The following MRPL21 variants were observed in gnomAD, a reference collection of about 807,000 sequenced individuals.
MRPL21 encodes the protein mitochondrial ribosomal protein L21.
In MRPL21, 20 loss-of-function variants were observed where a neutral mutation model predicts 27.3. The ratio of observed to expected loss-of-function variants is 0.73; its 90% CI spans 0.52 to 1.06. MRPL21 has a LOEUF of 1.06. MRPL21 is among the 50% of genes least tolerant of loss of function. The probability of loss-of-function intolerance (pLI) is 0.00; values close to 1 mark genes in which losing one functional copy is unlikely to be tolerated. For synonymous variants in MRPL21, 98 were observed against 101.5 expected (o/e 0.97, Z 0.21); for missense variants, 249 against 251.4 (o/e 0.99, Z 0.06).
Position 68,895,619 on chromosome 11 carries a change from C to T in MRPL21, c.396+896G>A, listed in dbSNP as rs529535327. On this transcript the variant is annotated intron_variant, in intron 4 of 6. Transcript: ENST00000362034. ...GAGCCAAGACTGCGCCATTGCACTCCAGCCTGGGTGACAGAGCGAGACTGA... is the reference window on the plus strand; with the variant it reads ...GAGCCAAGACTGCGCCATTGCACTCTAGCCTGGGTGACAGAGCGAGACTGA... 2.6e-5 allele frequency among the ~76,000 whole-genome samples: 4 copies of T among 152,326 alleles called. No individual in the cohort carries two copies. The East Asian group carries it at 7.7e-4, about 29-fold the overall frequency.
intron 1 of MRPL21, among the ~76,000 whole-genome samples, chr11:68,902,953 C>T (rs1422154705): frequency 6.6e-6 from 1 of 152,148 alleles, no homozygotes; most frequent in Non-Finnish European, 1.5e-5. Flanking sequence ...TAAGTTTCCT[C>T]CATGTCTCTT....
intron 4 of MRPL21, among the ~76,000 whole-genome samples, chr11:68,894,228 C>T (rs1236041805): frequency 6.6e-6 from 1 of 152,116 alleles, no homozygotes; most frequent in East Asian, 1.9e-4. Context: ...CGGGAAATCA[C>T]GACACCAAGT....
chr11:68,897,130 A>T (rs1857813310), intron 3 of MRPL21, among the ~76,000 whole-genome samples: 1 of 152,084 alleles, frequency 6.6e-6, no homozygotes, highest in South Asian at 2.1e-4. Flanking sequence ...AGCCCCCCGT[A>T]TCCCAACCCC....
intron 1 of MRPL21, 139 bp from the exon 2 acceptor site, chr11:68,900,744 A>G: frequency 1.4e-6 from 1 of 725,928 alleles, no homozygotes; most frequent in Non-Finnish European, 2.5e-6. Flanking sequence ...AGAAACACCT[A>G]GGTGAGCAAA....
Position 68,900,558 on chromosome 11 carries a change from A to G in MRPL21, c.136T>C (p.Tyr46His), listed in dbSNP as rs1289582426. The G allele has an allele frequency of 6.2e-7, 1 of 1,614,010 alleles. No homozygotes were observed. The highest frequency in any genetic ancestry group is 8.5e-7 in the Non-Finnish European group (1 of 1,179,854). ...ACATTTTGATATTACCCTGGTAGAT[A>G]TGAAGTGCTCTGTGAATTGAACCTT... ...SRRFNSQSTS[Y>H]LPGYVPKTSL... is the part of the protein sequence containing the mutation. The change falls in exon 2 of 7, where the codon TAT becomes CAT. Residue 46 changes from tyrosine (Y) to histidine (H), a missense_variant. Tyr to His is a moderately conservative substitution (Grantham distance 83, BLOSUM62 2). Coordinates refer to ENST00000362034, the MANE Select transcript of MRPL21 (RefSeq NM_181514.2).
intron 5 of MRPL21, 173 bp downstream of exon 5, chr11:68,893,230 T>C: frequency 1.4e-6 from 2 of 1,431,062 alleles, no homozygotes; most frequent in Non-Finnish European, 1.8e-6. Context: ...AATAATTTGG[T>C]CTGGATGTTC....
chr11:68,903,608 C>T, intron 1 of MRPL21, 115 bp downstream of exon 1: 1 of 1,105,952 alleles, frequency 9.0e-7, no homozygotes, highest in Non-Finnish European at 1.4e-6. Context: ...CTATATTCAC[C>T]ACAAATGCGA....
chr11:68,900,882 T>A (rs995858868), intron 1 of MRPL21, among the ~76,000 whole-genome samples: 10 of 152,244 alleles, frequency 6.6e-5, no homozygotes, highest in African/African-American at 1.9e-4. Flanking sequence ...CCTGGTAGGT[T>A]CAGACTCTGA....
chr11:68,892,813 C>T, intron 6 of MRPL21, 77 bp downstream of exon 6: 4 of 1,566,678 alleles, frequency 2.6e-6, no homozygotes, highest in Non-Finnish European at 3.5e-6. Flanking sequence ...GACCCACGTG[C>T]CCCACACCCT....
At chr11:68,891,511 T>C in intron 6 of MRPL21, 116 bp from the exon 7 acceptor site, 1 of 951,492 alleles carries the variant, frequency 1.1e-6, no homozygotes, top group Non-Finnish European at 1.7e-6. Flanking sequence ...CGTCCCCTGC[T>C]GCACATGGCC....
At chr11:68,891,605 C>T (rs1217827931) in intron 6 of MRPL21, 16 of 607,040 alleles carry the variant, frequency 2.6e-5, no homozygotes, top group Middle Eastern at 4.5e-4. Flanking sequence ...GGACACCAGA[C>T]GCCTCATGGC....
intron 2 of MRPL21, among the ~76,000 whole-genome samples, chr11:68,898,304 A>G (rs1223426013): frequency 6.6e-6 from 1 of 152,184 alleles, no homozygotes; most frequent in Admixed American, 6.5e-5. Context: ...CCCATCCAAG[A>G]AGGCTGGGCT....
At position 68,892,925 on chromosome 11, in the gene MRPL21, C is replaced by G; in HGVS notation, c.518G>C (p.Arg173Thr). The G allele has an allele frequency of 6.2e-7, 1 of 1,613,652 alleles. No homozygotes were observed. The highest frequency in any genetic ancestry group is 8.5e-7 in the Non-Finnish European group (1 of 1,179,760). The stretch of plus-strand genomic sequence containing the variant: ...CTTGAAGTTTTTCCTTTTCCTGAAT[C>G]TCATAATGATTCTTGGCCATGATTC... ...KTESWPRIIMRFRKRKNFKKK... is the reference protein window; with the variant it reads ...KTESWPRIIMTFRKRKNFKKK... The change falls in exon 6 of 7, where the codon AGA becomes ACA. Residue 173 changes from arginine to threonine, a missense_variant. Physicochemically the swap from Arg to Thr is moderately conservative, Grantham distance 71 (BLOSUM62 -1). Transcript: ENST00000362034.
intron 3 of MRPL21, 69 bp from the exon 4 acceptor site, chr11:68,896,747 C>A: frequency 6.3e-7 from 1 of 1,588,570 alleles, no homozygotes. Context: ...GTGTGATGTG[C>A]AGCTCCTGGT....
At chr11:68,897,898 C>G (rs1449613050) in intron 3 of MRPL21, 29 bp downstream of exon 3, 3 of 1,582,610 alleles carry the variant, frequency 1.9e-6, no homozygotes, top group Admixed American at 3.3e-5. Context: ...GTGGTGCCCT[C>G]TAGCTTCTGT....
intron 4 of MRPL21, 38 bp downstream of exon 4, chr11:68,896,477 T>G: frequency 6.2e-7 from 1 of 1,608,804 alleles, no homozygotes; most frequent in Non-Finnish European, 8.5e-7. Flanking sequence ...ACTTGGTGGC[T>G]GAGTCCCTGA....
Position 68,897,931 on chromosome 11 carries a change from A to G in MRPL21, c.228T>C (p.His76=). Residue 76 remains histidine, a synonymous_variant, in exon 3 of 7, where the codon CAT becomes CAC. Transcript: ENST00000362034. ...LPDPVEETRH[H]AEVVKKVNEM... Reference sequence around the variant, plus strand: ...TGTCTCCCAGGGAGGTCTTACCTGCATGGTGTCTGGTCTCCTCAACTGGGT... The same window carrying G: ...TGTCTCCCAGGGAGGTCTTACCTGCGTGGTGTCTGGTCTCCTCAACTGGGT... 1 of 1,613,924 alleles carries G rather than the reference A, an allele frequency of 6.2e-7. No homozygotes were observed. The highest frequency in any genetic ancestry group is 8.5e-7 in the Non-Finnish European group (1 of 1,179,808).
At position 68,903,807 on chromosome 11, in the gene MRPL21, C is replaced by A; in HGVS notation, c.4G>T (p.Ala2Ser). 8.1e-7 allele frequency: 1 copy of A among 1,240,564 alleles called. No individual in the cohort carries two copies. 76.8% of individuals were successfully genotyped at this position (1,240,564 alleles called of 1,614,324 possible). Reference protein sequence around the residue: MAASSLTVTLGR... With the variant: MSASSLTVTLGR... ...AAGGTGACCGTCAGGGAAGATGCTG[C>A]CATGGCCGCAGCCTCGGCCGGAAAC... Residue 2 changes from alanine to serine, a missense_variant, in exon 1 of 7, where the codon GCA (alanine) becomes TCA (serine). By Grantham distance (99) the Ala-to-Ser change is moderately conservative. Coordinates refer to ENST00000362034, the MANE Select transcript of MRPL21 (RefSeq NM_181514.2).
intron 2 of MRPL21, 92 bp from the exon 3 acceptor site, chr11:68,898,104 G>C: frequency 9.4e-7 from 1 of 1,066,240 alleles, no homozygotes; most frequent in Non-Finnish European, 1.4e-6. Flanking sequence ...TGTTAGGAAG[G>C]GATCCCCGGC....
Sources: allele counts gnomAD v4.1 joint callset (sites outside exome capture counted in the v4.1 genomes callset), GRCh38; gene constraint gnomAD v4.1.1; transcripts MANE v1.5; gene names NCBI Gene and HGNC (gene_info 2026-07-23, HGNC 2026-07-21).